Variants in LINGO3 observed in about 807,000 individuals in gnomAD.
LINGO3 encodes leucine rich repeat and Ig domain containing 3, also known as leucine-rich repeat and immunoglobulin-like domain-containing nogo receptor-interacting protein 3.
For missense variants in LINGO3, 750 were observed against 867.7 expected, an observed-to-expected ratio of 0.86 and a Z score of 1.70; for synonymous variants, 427 against 444.2, an observed-to-expected ratio of 0.96 and a Z score of 0.49.
downstream of LINGO3, among the ~76,000 whole-genome samples, chr19:2,288,351 C>T (rs1024426254): frequency 4.6e-5 from 7 of 152,226 alleles, no homozygotes; most frequent in East Asian, 3.9e-4. This position sits in a 1 kb window ranked among gnomAD's most constrained non-coding sequence, Gnocchi z 6.5. Context: ...CCGGGATCCC[C>T]GGGAACCCCC....
chr19:2,290,217 C>A lies in LINGO3; in HGVS notation c.1560G>T (p.Ala520=), dbSNP rs557553519. The A allele has an allele frequency of 2.5e-6, 4 of 1,607,378 alleles. No homozygotes were observed. In the Admixed American group the frequency reaches 6.7e-5, roughly 27 times the overall value. Reference sequence around the variant, plus strand: ...CCAGGATGGTGGTGAGGTCGAGCGGCGCGCGCAGGGCCGCCAGCGTCTCGT... The same window carrying A: ...CCAGGATGGTGGTGAGGTCGAGCGGAGCGCGCAGGGCCGCCAGCGTCTCGT... The change falls in exon 1 of 1, where the codon GCG becomes GCT. Residue 520 remains alanine, a synonymous_variant. Coordinates refer to ENST00000585527, the Ensembl canonical transcript of LINGO3. This position sits in a 1 kb window ranked among gnomAD's most constrained non-coding sequence, Gnocchi z 6.0.
the LINGO3 span, among the ~76,000 whole-genome samples, chr19:2,300,066 T>C: frequency 7.0e-6 from 1 of 142,086 alleles, no homozygotes; most frequent in Admixed American, 7.4e-5. Context: ...AGTCTCACTC[T>C]GTCACCCAGG....
chr19:2,302,521 G>A, the LINGO3 span, among the ~76,000 whole-genome samples: 3 of 152,338 alleles, frequency 2.0e-5, no homozygotes, highest in South Asian at 2.1e-4. Context: ...GCGCGAAGCC[G>A]GAGCTGGGGT....
At chr19:2,296,103 G>A (rs1010554701), upstream of LINGO3, among the ~76,000 whole-genome samples, 1 of 152,200 alleles carries the variant, frequency 6.6e-6, no homozygotes, top group African/African-American at 2.4e-5. Flanking sequence ...CTCCCTCCCA[G>A]CACTGTTTTT....
chr19:2,304,710 C>CTGTTT, the LINGO3 span, among the ~76,000 whole-genome samples: 1 of 73,210 alleles, frequency 1.4e-5, no homozygotes, highest in Non-Finnish European at 2.5e-5. Context: ...CCATGTCCTG[C>CTGTTT]TTTTTTTTTT....
upstream of LINGO3, among the ~76,000 whole-genome samples, chr19:2,296,011 G>A (rs980269960): frequency 2.0e-5 from 3 of 152,102 alleles, no homozygotes; most frequent in Non-Finnish European, 2.9e-5. Context: ...GAGAGAGGGG[G>A]CATGCCCCCC....
At chr19:2,296,916 G>A (rs569311637), upstream of LINGO3, among the ~76,000 whole-genome samples, 116 of 151,686 alleles carry the variant, frequency 7.6e-4, no homozygotes, top group African/African-American at 2.6e-3. Context: ...GTGAAACCCC[G>A]TCTCTACTAA....
chr19:2,296,513 C>G (rs2025573104), upstream of LINGO3, among the ~76,000 whole-genome samples: 1 of 152,008 alleles, frequency 6.6e-6, no homozygotes, highest in Admixed American at 6.5e-5. Flanking sequence ...GGGTCTCACT[C>G]TGTCGCCTGG....
chr19:2,302,822 G>A, the LINGO3 span, among the ~76,000 whole-genome samples: 3 of 152,242 alleles, frequency 2.0e-5, no homozygotes, highest in South Asian at 2.1e-4. Context: ...GTGGTGGACG[G>A]GAGTGGGGGT....
downstream of LINGO3, chr19:2,289,644 G>C: frequency 3.8e-6 from 1 of 260,732 alleles, no homozygotes; most frequent in South Asian, 5.2e-5. Flanking sequence ...TGCCTCCTGG[G>C]TGTGAATTGC....
chr19:2,290,977 C>T lies in LINGO3; in HGVS notation c.800G>A (p.Arg267Gln). Residue 267 changes from arginine (R) to glutamine (Q), a missense_variant, in exon 1 of 1, where the codon CGG becomes CAG. By Grantham distance (43) the Arg-to-Gln change is conservative (BLOSUM62 1). Coordinates refer to ENST00000585527, the Ensembl canonical transcript of LINGO3. This position sits in a 1 kb window ranked among gnomAD's most constrained non-coding sequence, Gnocchi z 6.0. ...GAGGCAGGTGAGGTGCGCCTGGTGC[C>T]GCAGCGCGGCGGCCGGCACGGCGGT... The T allele has an allele frequency of 2.5e-6, 4 of 1,611,724 alleles. No homozygotes were observed. Among genetic ancestry groups the T allele is most frequent in the Non-Finnish European group, 3.4e-6 (4 of 1,179,452 alleles).
the LINGO3 span, among the ~76,000 whole-genome samples, chr19:2,299,784 T>C: frequency 0.036 from 5,107 of 141,564 alleles, 321 homozygotes; most frequent in African/African-American, 0.13. Context: ...AGTGCAGTGG[T>C]GCGATCTCGG....
the LINGO3 span, among the ~76,000 whole-genome samples, chr19:2,306,193 G>C: frequency 6.6e-6 from 1 of 152,232 alleles, no homozygotes; most frequent in African/African-American, 2.4e-5. Flanking sequence ...GAGAGAAGGA[G>C]ACTGAGGGTC....
upstream of LINGO3, among the ~76,000 whole-genome samples, chr19:2,293,494 G>A (rs1386349617): frequency 6.6e-6 from 1 of 151,796 alleles, no homozygotes; most frequent in Non-Finnish European, 1.5e-5. Flanking sequence ...TGAGTAGCTG[G>A]GACTACAGGC....
At chr19:2,304,658 G>A in the LINGO3 span, among the ~76,000 whole-genome samples, 4 of 150,136 alleles carry the variant, frequency 2.7e-5, no homozygotes, top group Non-Finnish European at 5.9e-5. Context: ...GATGGGAACC[G>A]GATTTTCACC....
exon 1 of LINGO3, chr19:2,291,246 C>T (rs1480854897): frequency 6.2e-7 from 1 of 1,611,996 alleles, no homozygotes; most frequent in Admixed American, 1.7e-5. Flanking sequence ...GGGTCAGCTC[C>T]TCCAGGGCCA....
rs754877454 is a variant in LINGO3, at chr19:2,291,922, C to A, written c.-146G>T. The A allele has an allele frequency of 5.7e-6, 4 of 699,080 alleles. No individual in the cohort carries two copies. In the South Asian group the frequency reaches 5.9e-5, roughly 10 times the overall value. 43.3% of individuals were successfully genotyped at this position (699,080 alleles called of 1,614,324 possible). A position where few individuals can be genotyped will look rare whatever the true frequency, so the allele number is the denominator to read the frequency against. ...CCTAACCCGTCCCAGCACGGCGGCT[C>A]GCTCCTGTAAACCCAGCATTTTGGG... is the stretch of plus-strand genomic sequence containing the variant. On this transcript the variant is annotated 5_prime_UTR_variant, in exon 1 of 1. Coordinates refer to ENST00000585527, the Ensembl canonical transcript of LINGO3.
chr19:2,307,467 G>A, the LINGO3 span, among the ~76,000 whole-genome samples: 4 of 152,162 alleles, frequency 2.6e-5, no homozygotes, highest in African/African-American at 9.6e-5. Flanking sequence ...AGGCCCGGGA[G>A]GTGGCGGCAC....
chr19:2,287,305 C>T (rs2025477664), downstream of LINGO3, among the ~76,000 whole-genome samples: 1 of 152,072 alleles, frequency 6.6e-6, no homozygotes, highest in African/African-American at 2.4e-5. The surrounding 1 kb of genome is among the most constrained non-coding windows in gnomAD (Gnocchi z 4.5). Flanking sequence ...TACGGATGCT[C>T]TGTGAACCCT....
Sources: allele counts gnomAD v4.1 joint callset (sites outside exome capture counted in the v4.1 genomes callset), GRCh38; gene constraint gnomAD v4.1.1; non-coding constraint Gnocchi (gnomAD v3.1); transcripts MANE v1.5; gene names NCBI Gene and HGNC (gene_info 2026-07-23, HGNC 2026-07-21).